Variants in NKAIN2 observed in about 807,000 individuals in gnomAD.
NKAIN2 encodes sodium/potassium-transporting ATPase subunit beta-1-interacting protein 2.
NKAIN2 carries 14 observed loss-of-function variants against 32.6 expected under a neutral mutation model. The observed-to-expected ratio is 0.43, with a 90% CI of 0.28 to 0.67. The LOEUF (loss-of-function observed/expected upper bound fraction) is 0.67. Among genes scored for constraint, NKAIN2 ranks in the 30% least tolerant of loss-of-function variants. The probability of loss-of-function intolerance (pLI) is 0.17; values close to 1 mark genes in which losing one functional copy is unlikely to be tolerated. For missense variants in NKAIN2, 198 were observed against 258.3 expected (o/e 0.77, Z 1.60); for synonymous variants, 80 against 87.2 (o/e 0.92, Z 0.46).
chr6:124,039,148 G>T (rs1427625800), intron 1 of NKAIN2, among the ~76,000 whole-genome samples: 2 of 151,992 alleles, frequency 1.3e-5, no homozygotes, highest in African/African-American at 2.4e-5. Flanking sequence ...ACACAAGGTT[G>T]CTAAATATTA....
intron 1 of NKAIN2, among the ~76,000 whole-genome samples, chr6:124,100,465 G>A (rs1241264395): frequency 1.3e-5 from 2 of 152,168 alleles, no homozygotes; most frequent in Non-Finnish European, 1.5e-5. Flanking sequence ...TTTACAAGGA[G>A]CCAAGAGACA....
At chr6:124,411,993 T>C (rs1450810667) in intron 3 of NKAIN2, among the ~76,000 whole-genome samples, 1 of 152,254 alleles carries the variant, frequency 6.6e-6, no homozygotes, top group Non-Finnish European at 1.5e-5. Flanking sequence ...GGCTTGTGCA[T>C]TCATCACGTG....
chr6:124,618,307 A>G (rs377607442), intron 3 of NKAIN2, among the ~76,000 whole-genome samples: 16 of 152,182 alleles, frequency 1.1e-4, no homozygotes, highest in Non-Finnish European at 2.1e-4. Context: ...GTGAAACCCC[A>G]TCTCTACTAA....
At chr6:124,638,135 C>G (rs182364134) in intron 3 of NKAIN2, among the ~76,000 whole-genome samples, 1 of 152,170 alleles carries the variant, frequency 6.6e-6, no homozygotes, top group East Asian at 1.9e-4. Flanking sequence ...AGATTTTTGC[C>G]AAAGGTTCCA....
rs189973635 is a variant in NKAIN2 at position 124,553,393 on chromosome 6, C to T, written c.274-104793C>T. On this transcript the variant is annotated intron_variant, in intron 3 of 6. Transcript: ENST00000368417. Reference sequence around the variant, plus strand: ...CACAATCTCAGCTCACTGCAACCTCCGCCTCCCAGGTTCAAGCGATTCTCC... The same window carrying T: ...CACAATCTCAGCTCACTGCAACCTCTGCCTCCCAGGTTCAAGCGATTCTCC... Among the ~76,000 whole-genome samples, 93 of 152,208 alleles carry T rather than the reference C, an allele frequency of 6.1e-4. 1 individual carries two copies. Among genetic ancestry groups the T allele is most frequent in the African/African-American group, 2.1e-3 (88 of 41,534 alleles).
chr6:124,005,271 T>G (rs909115095), intron 1 of NKAIN2, among the ~76,000 whole-genome samples: 6 of 152,054 alleles, frequency 3.9e-5, no homozygotes, highest in African/African-American at 1.4e-4. Context: ...AACCCTATCA[T>G]TTCCAATTCT....
chr6:124,626,094 T>TCCCCCCCCCCCCCCCCC (rs145583253), intron 3 of NKAIN2, among the ~76,000 whole-genome samples: 1 of 90,592 alleles, frequency 1.1e-5, no homozygotes, highest in Non-Finnish European at 2.1e-5. Context: ...CCCTCCCCAC[T>TCCCCCCCCCCCCCCCCC]CCCCACACCC....
intron 1 of NKAIN2, among the ~76,000 whole-genome samples, chr6:123,918,515 G>C (rs1775600748): frequency 6.6e-6 from 1 of 152,182 alleles, no homozygotes; most frequent in African/African-American, 2.4e-5. Flanking sequence ...ATTGCAACCA[G>C]GTTGGTGGCT....
chr6:124,062,454 G>T (rs1292098284), intron 1 of NKAIN2, among the ~76,000 whole-genome samples: 1 of 152,060 alleles, frequency 6.6e-6, no homozygotes, highest in Non-Finnish European at 1.5e-5. Context: ...TTTGAGACAG[G>T]ATCTCACTCT....
intron 1 of NKAIN2, among the ~76,000 whole-genome samples, chr6:124,247,497 C>T (rs1452455609): frequency 6.6e-6 from 1 of 152,054 alleles, no homozygotes; most frequent in Non-Finnish European, 1.5e-5. Flanking sequence ...ATCAAGTCCT[C>T]AGATCTATAT....
intron 4 of NKAIN2, among the ~76,000 whole-genome samples, chr6:124,785,013 T>G (rs1779436157): frequency 6.6e-6 from 1 of 152,148 alleles, no homozygotes; most frequent in African/African-American, 2.4e-5. Flanking sequence ...ATTATTTCTT[T>G]GAAGACTTTT....
At chr6:124,445,924 A>C (rs773940454) in intron 3 of NKAIN2, among the ~76,000 whole-genome samples, 2 of 152,126 alleles carry the variant, frequency 1.3e-5, no homozygotes, top group African/African-American at 4.8e-5. Flanking sequence ...TATATAGTAC[A>C]TATTTGTTTT....
chr6:124,475,790 A>T lies in NKAIN2; in HGVS notation c.273+120443A>T, dbSNP rs577230193. Reference sequence around the variant, plus strand: ...AATAGAGTATGACTGAACACACTTTAAAATTTATTTCTTTCCCGAAAGCAT... The same window carrying T: ...AATAGAGTATGACTGAACACACTTTTAAATTTATTTCTTTCCCGAAAGCAT... On this transcript the variant is annotated intron_variant, in intron 3 of 6. Transcript: ENST00000368417. Among the ~76,000 whole-genome samples the T allele has an allele frequency of 6.6e-5, 10 of 152,318 alleles. No individual in the cohort carries two copies. The South Asian group carries it at 2.1e-3, about 32-fold the overall frequency.
intron 3 of NKAIN2, among the ~76,000 whole-genome samples, chr6:124,549,587 A>T (rs1396371502): frequency 6.6e-6 from 1 of 152,156 alleles, no homozygotes; most frequent in East Asian, 1.9e-4. Flanking sequence ...TGTTTTCACT[A>T]CTGCATTTTT....
At chr6:124,412,664 A>G (rs1032529625) in intron 3 of NKAIN2, among the ~76,000 whole-genome samples, 6 of 152,146 alleles carry the variant, frequency 3.9e-5, no homozygotes, top group Admixed American at 3.3e-4. Flanking sequence ...TCAGATCTCA[A>G]GCTGCGTGCT....
At chr6:124,473,658 A>C (rs1434158062) in intron 3 of NKAIN2, among the ~76,000 whole-genome samples, 1 of 152,154 alleles carries the variant, frequency 6.6e-6, no homozygotes, top group South Asian at 2.1e-4. Flanking sequence ...TGACAATTTT[A>C]TGCTCTTCTA....
intron 4 of NKAIN2, among the ~76,000 whole-genome samples, chr6:124,691,218 T>G (rs955661955): frequency 1.3e-5 from 2 of 152,142 alleles, no homozygotes; most frequent in Non-Finnish European, 2.9e-5. Flanking sequence ...ACTGGATCAC[T>G]TCTGCTAAGA....
chr6:123,991,306 GT>G (rs1256812461), intron 1 of NKAIN2, among the ~76,000 whole-genome samples: 1 of 152,096 alleles, frequency 6.6e-6, no homozygotes, highest in Non-Finnish European at 1.5e-5. Flanking sequence ...TTTAGAGCTG[GT>G]TCTGCTGATG....
intron 1 of NKAIN2, among the ~76,000 whole-genome samples, chr6:123,974,633 C>A (rs925008470): frequency 2.6e-5 from 4 of 152,058 alleles, no homozygotes; most frequent in Admixed American, 6.6e-5. Context: ...AAAGGTTGAC[C>A]ATTGAATTGA....
Sources: allele counts gnomAD v4.1 joint callset (sites outside exome capture counted in the v4.1 genomes callset), GRCh38; gene constraint gnomAD v4.1.1; transcripts MANE v1.5; gene names NCBI Gene and HGNC (gene_info 2026-07-23, HGNC 2026-07-21).